Variants in TPST2 observed in about 807,000 individuals in gnomAD.
TPST2 encodes the protein protein-tyrosine sulfotransferase 2.
Under a neutral mutation model 27.8 loss-of-function variants are expected in TPST2, and 16 were observed. The ratio of observed to expected loss-of-function variants is 0.58; its 90% CI spans 0.39 to 0.88. The LOEUF is 0.88. Ranked by LOEUF, TPST2 falls within the 40% of genes least tolerant of loss-of-function variation. TPST2 has a pLI of 0.00. For synonymous variants in TPST2, 229 were observed against 231.7 expected, an observed-to-expected ratio of 0.99 and a Z score of 0.10; for missense variants, 464 against 543.1, an observed-to-expected ratio of 0.85 and a Z score of 1.45.
chr22:26,552,962 AG>A (rs1226156513), intron 1 of TPST2, among the ~76,000 whole-genome samples: 12 of 146,616 alleles, frequency 8.2e-5, no homozygotes, highest in Admixed American at 2.1e-4. Context: ...CGAGAGCCTG[AG>A]GCAGGAGAAC....
At chr22:26,568,978 C>T (rs1244839858) in intron 1 of TPST2, among the ~76,000 whole-genome samples, 2 of 151,872 alleles carry the variant, frequency 1.3e-5, no homozygotes, top group Admixed American at 6.6e-5. Context: ...ATTCTCCTGC[C>T]TCAGCCTCCC....
chr22:26,587,768 A>G (rs968315233), intron 1 of TPST2, among the ~76,000 whole-genome samples: 1 of 152,092 alleles, frequency 6.6e-6, no homozygotes, highest in African/African-American at 2.4e-5. Context: ...AAAATGGTAC[A>G]GCTGTTCTGG....
intron 1 of TPST2, among the ~76,000 whole-genome samples, chr22:26,568,343 C>T (rs1236720446): frequency 1.3e-5 from 2 of 152,178 alleles, no homozygotes; most frequent in Non-Finnish European, 2.9e-5. Context: ...ACAGCAACTC[C>T]ATCTCTCCAG....
At chr22:26,554,307 C>T (rs1055464396) in intron 1 of TPST2, among the ~76,000 whole-genome samples, 29 of 152,186 alleles carry the variant, frequency 1.9e-4, no homozygotes, top group African/African-American at 6.8e-4. Flanking sequence ...CCCAGTCTTG[C>T]CCCTGACACC....
chr22:26,566,310 T>TG (rs1191503036), intron 1 of TPST2, among the ~76,000 whole-genome samples: 5 of 152,024 alleles, frequency 3.3e-5, no homozygotes, highest in Non-Finnish European at 7.4e-5. Context: ...CCCAGCACTT[T>TG]GGGGGGCCGA....
intron 1 of TPST2, among the ~76,000 whole-genome samples, chr22:26,546,814 G>A (rs1035380803): frequency 1.3e-5 from 2 of 152,192 alleles, no homozygotes; most frequent in Non-Finnish European, 2.9e-5. Context: ...CCAACCCAGG[G>A]CCTGTTTTCA....
At chr22:26,558,375 A>C (rs1926913012) in intron 1 of TPST2, among the ~76,000 whole-genome samples, 2 of 152,082 alleles carry the variant, frequency 1.3e-5, no homozygotes, top group African/African-American at 4.8e-5. Flanking sequence ...TCCTGACCTT[A>C]AGTGATCTGC....
chr22:26,543,872 C>G (rs2030206902), intron 2 of TPST2, among the ~76,000 whole-genome samples: 1 of 152,156 alleles, frequency 6.6e-6, no homozygotes, highest in African/African-American at 2.4e-5. Context: ...CAGAAAGCAG[C>G]CTGGAACCCA....
intron 1 of TPST2, among the ~76,000 whole-genome samples, chr22:26,577,075 G>A (rs569920779): frequency 1.8e-4 from 25 of 137,406 alleles, no homozygotes; most frequent in Middle Eastern, 4.3e-3. Context: ...CAGCCTGGGC[G>A]ACAGAACGAG....
At chr22:26,551,352 CACTGA>C (rs2147203962) in intron 1 of TPST2, among the ~76,000 whole-genome samples, 1 of 152,270 alleles carries the variant, frequency 6.6e-6, no homozygotes, top group East Asian at 1.9e-4. Flanking sequence ...ATATACCAGG[CACTGA>C]ACTAAGGGTT....
intron 3 of TPST2, among the ~76,000 whole-genome samples, chr22:26,539,698 G>A (rs568875530): frequency 2.6e-5 from 4 of 152,268 alleles, no homozygotes; most frequent in Admixed American, 2.6e-4. Context: ...GAGCCCAAGA[G>A]GTCGAGGCTG....
At chr22:26,566,243 C>A (rs1235139512) in intron 1 of TPST2, among the ~76,000 whole-genome samples, 1 of 151,956 alleles carries the variant, frequency 6.6e-6, no homozygotes, top group Non-Finnish European at 1.5e-5. Flanking sequence ...GTGGTGAAAC[C>A]CTGTCTCTAT....
At chr22:26,529,182 G>A (rs565371079) in intron 5 of TPST2, among the ~76,000 whole-genome samples, 4 of 151,956 alleles carry the variant, frequency 2.6e-5, no homozygotes, top group South Asian at 2.1e-4. Flanking sequence ...GATGGAGTGC[G>A]GTGGTGCAAT....
At chr22:26,564,687 T>C (rs770793653) in intron 1 of TPST2, among the ~76,000 whole-genome samples, 39 of 152,152 alleles carry the variant, frequency 2.6e-4, no homozygotes, top group Non-Finnish European at 5.0e-4. Context: ...CGGTGCTCTG[T>C]TACTTTTATT....
chr22:26,562,801 T>C (rs924976750), intron 1 of TPST2, among the ~76,000 whole-genome samples: 2 of 152,096 alleles, frequency 1.3e-5, no homozygotes, highest in Admixed American at 1.3e-4. Context: ...TTTTGTACTT[T>C]TAGTACAGAC....
chr22:26,586,154 A>G (rs774859671), intron 1 of TPST2, among the ~76,000 whole-genome samples: 7 of 152,144 alleles, frequency 4.6e-5, no homozygotes, highest in Non-Finnish European at 8.8e-5. Context: ...AGTAGGGTAC[A>G]CTGACACCCA....
intron 1 of TPST2, chr22:26,565,724 T>C (rs989792489): frequency 6.6e-6 from 1 of 152,194 alleles, no homozygotes; most frequent in Admixed American, 6.5e-5. Flanking sequence ...GTTACAGAAG[T>C]AAATTTAATA....
At chr22:26,580,296 C>G (rs564826130) in intron 1 of TPST2, among the ~76,000 whole-genome samples, 1 of 152,152 alleles carries the variant, frequency 6.6e-6, no homozygotes, top group Non-Finnish European at 1.5e-5. Flanking sequence ...GAGATGAGCA[C>G]TAGCAGCAGC....
intron 4 of TPST2, among the ~76,000 whole-genome samples, chr22:26,534,823 T>C (rs1026768364): frequency 6.6e-6 from 1 of 151,944 alleles, no homozygotes; most frequent in South Asian, 2.1e-4. Context: ...AACACATAAG[T>C]AGGGTTTAAA....
Sources: gnomAD v4.1 joint callset for allele counts (sites outside exome capture counted in the v4.1 genomes callset) on GRCh38, gnomAD v4.1.1 for gene constraint, MANE v1.5 for transcripts, NCBI Gene and HGNC (gene_info 2026-07-23, HGNC 2026-07-21) for gene names.